CPA6: variants seen among roughly 807,000 people sequenced by gnomAD.
CPA6 encodes the protein carboxypeptidase A6.
Under a neutral mutation model 63.3 loss-of-function variants are expected in CPA6, and 58 were observed. The ratio of observed to expected loss-of-function variants is 0.92; its 90% CI spans 0.74 to 1.14. CPA6 has a LOEUF of 1.14. Among genes scored for constraint, CPA6 ranks in the 50% most tolerant of loss-of-function variants. CPA6 has a pLI of 0.00. For synonymous variants in CPA6, 185 were observed against 179.0 expected (o/e 1.03, Z -0.27); for missense variants, 565 against 526.6 (o/e 1.07, Z -0.71).
At chr8:67,490,970 C>T (rs907764746) in intron 6 of CPA6, among the ~76,000 whole-genome samples, 1 of 152,058 alleles carries the variant, frequency 6.6e-6, no homozygotes, top group Non-Finnish European at 1.5e-5. Context: ...TTTAGAATCA[C>T]TGCAGAGGAC....
At chr8:67,564,609 T>C (rs1026199173) in intron 2 of CPA6, among the ~76,000 whole-genome samples, 9 of 152,150 alleles carry the variant, frequency 5.9e-5, no homozygotes, top group Non-Finnish European at 2.9e-5. Flanking sequence ...GTAGCTGTCA[T>C]ACCAGTAAAA....
At chr8:67,493,362 G>C (rs1456679328) in intron 6 of CPA6, among the ~76,000 whole-genome samples, 2 of 152,170 alleles carry the variant, frequency 1.3e-5, no homozygotes, top group Non-Finnish European at 2.9e-5. Context: ...ATTCCCTGGA[G>C]AGCTTTTGGA....
intron 1 of CPA6, among the ~76,000 whole-genome samples, chr8:67,648,890 G>T (rs892103272): frequency 6.6e-6 from 1 of 152,072 alleles, no homozygotes; most frequent in African/African-American, 2.4e-5. Flanking sequence ...AACAAACCAG[G>T]CTCTGTTTAT....
chr8:67,462,084 C>T (rs1251000925), intron 8 of CPA6, among the ~76,000 whole-genome samples: 1 of 151,884 alleles, frequency 6.6e-6, no homozygotes, highest in Non-Finnish European at 1.5e-5. Context: ...TGGGATGCCA[C>T]ACAGATTGCT....
intron 8 of CPA6, among the ~76,000 whole-genome samples, chr8:67,458,007 T>C (rs1056210096): frequency 2.0e-5 from 3 of 152,196 alleles, no homozygotes; most frequent in African/African-American, 7.2e-5. Context: ...GGAGCAAAGG[T>C]AGTCTTTTTT....
chr8:67,663,598 C>T (rs923372643), intron 1 of CPA6, among the ~76,000 whole-genome samples: 3 of 152,108 alleles, frequency 2.0e-5, no homozygotes, highest in African/African-American at 7.2e-5. Context: ...GGTCAGCTCC[C>T]ACTTATAAAT....
chr8:67,447,840 A>G (rs1810463980), intron 8 of CPA6, among the ~76,000 whole-genome samples: 1 of 151,982 alleles, frequency 6.6e-6, no homozygotes, highest in South Asian at 2.1e-4. Context: ...GCTGGAGTGC[A>G]GTGGCACCAT....
intron 2 of CPA6, among the ~76,000 whole-genome samples, chr8:67,528,310 G>A (rs543492888): frequency 6.6e-6 from 1 of 152,292 alleles, no homozygotes; most frequent in South Asian, 2.1e-4. Context: ...GAGTGGGAGT[G>A]AGAGGCTCCA....
intron 2 of CPA6, among the ~76,000 whole-genome samples, chr8:67,609,903 T>G (rs12680940): frequency 0.35 from 52,908 of 151,930 alleles, 9,727 homozygotes; most frequent in East Asian, 0.51. Flanking sequence ...GTGCCTGTAA[T>G]CCCAGCTACT....
At chr8:67,711,663 C>CAT (rs1024227436) in intron 1 of CPA6, among the ~76,000 whole-genome samples, 33 of 147,944 alleles carry the variant, frequency 2.2e-4, no homozygotes, top group African/African-American at 8.2e-4. Context: ...TATATGTATG[C>CAT]ATGTGGTATA....
chr8:67,697,785 ATAAT>A (rs1332274952), intron 1 of CPA6, among the ~76,000 whole-genome samples: 1 of 152,050 alleles, frequency 6.6e-6, no homozygotes, highest in Non-Finnish European at 1.5e-5. Flanking sequence ...AACTAATTTT[ATAAT>A]TATTTCCTTC....
chr8:67,678,649 T>C (rs1404756731), intron 1 of CPA6, among the ~76,000 whole-genome samples: 1 of 152,222 alleles, frequency 6.6e-6, no homozygotes, highest in East Asian at 1.9e-4. Flanking sequence ...GTTCAACAAC[T>C]AGAGTGCTTG....
rs7841850 is a variant in CPA6 at position 67,711,720 on chromosome 8, C to T, written c.116+34294G>A. Among the ~76,000 whole-genome samples the T allele has an allele frequency of 3.7e-3, 562 of 151,136 alleles. 3 individuals carry two copies. Among genetic ancestry groups the T allele is most frequent in the African/African-American group, 0.011 (451 of 40,820 alleles). ...ACACACACACACACACACACACACA[C>T]ACATCTGAAAGATGGAGGGGCACCT... On this transcript the variant is annotated intron_variant, in intron 1 of 10. Coordinates refer to ENST00000297770, the MANE Select transcript of CPA6 (RefSeq NM_020361.5).
chr8:67,633,146 C>G (rs917745000), intron 1 of CPA6, among the ~76,000 whole-genome samples: 1 of 152,114 alleles, frequency 6.6e-6, no homozygotes, highest in African/African-American at 2.4e-5. Flanking sequence ...AACTTTTACT[C>G]CTATAAAGCT....
intron 1 of CPA6, among the ~76,000 whole-genome samples, chr8:67,713,829 A>G (rs920570492): frequency 5.3e-5 from 8 of 152,318 alleles, no homozygotes; most frequent in African/African-American, 1.9e-4. Context: ...CTTTAGTTTT[A>G]TACCTTAAAT....
Position 67,624,156 on chromosome 8 carries a change from G to C in CPA6, c.192+20C>G, listed in dbSNP as rs1429197776. ...CTCCACAAGCACAATTCTACCATAA[G>C]TGTGTAGATGTTCTATTACCTTAAG... is the stretch of plus-strand genomic sequence containing the variant. On this transcript the variant is annotated intron_variant, in intron 2 of 10. Coordinates refer to ENST00000297770, the MANE Select transcript of CPA6 (RefSeq NM_020361.5). 1 of 1,378,146 alleles carries C rather than the reference G, an allele frequency of 7.3e-7. No individual in the cohort carries two copies. The highest frequency in any genetic ancestry group is 1.7e-5 in the Admixed American group (1 of 57,570). The allele number at this position is 1,378,146 out of a possible 1,614,324, so 85.4% of individuals were successfully genotyped here. A position where few individuals can be genotyped will look rare whatever the true frequency, so the allele number is the denominator to read the frequency against.
chr8:67,595,920 A>G (rs956412249), intron 2 of CPA6, among the ~76,000 whole-genome samples: 2 of 152,184 alleles, frequency 1.3e-5, no homozygotes, highest in African/African-American at 4.8e-5. Flanking sequence ...GGCACTCCCC[A>G]GTGAGATGAA....
intron 2 of CPA6, among the ~76,000 whole-genome samples, chr8:67,542,668 G>T (rs1812732386): frequency 6.6e-6 from 1 of 152,180 alleles, no homozygotes; most frequent in Admixed American, 6.5e-5. Context: ...GTTCATACAT[G>T]ATCCACCCAG....
intron 8 of CPA6, among the ~76,000 whole-genome samples, chr8:67,469,406 G>A (rs1811005881): frequency 6.6e-6 from 1 of 152,142 alleles, no homozygotes; most frequent in Non-Finnish European, 1.5e-5. Flanking sequence ...AGGAGTTTGA[G>A]ACCAGCCTGG....
Sources: gnomAD v4.1 joint callset for allele counts (sites outside exome capture counted in the v4.1 genomes callset) on GRCh38, gnomAD v4.1.1 for gene constraint, MANE v1.5 for transcripts, NCBI Gene and HGNC (gene_info 2026-07-23, HGNC 2026-07-21) for gene names.